DMD: variants seen among roughly 807,000 people sequenced by gnomAD.
DMD encodes mutant dystrophin.
Under a neutral mutation model 330.1 loss-of-function variants are expected in DMD, and 63 were observed. That is an observed-to-expected ratio of 0.19 (90% CI 0.16 to 0.24). DMD has a LOEUF of 0.24. Ranked by LOEUF, DMD falls within the 10% of genes least tolerant of loss-of-function variation. The probability of loss-of-function intolerance (pLI) is 1.00; values close to 1 mark genes in which losing one functional copy is unlikely to be tolerated. For synonymous variants in DMD, 1,223 were observed against 959.8 expected (o/e 1.27, Z -5.07); for missense variants, 3,344 against 2,684.1 (o/e 1.25, Z -5.43).
At chrX:32,237,227 A>C in intron 43 of DMD, among the ~76,000 whole-genome samples, 1 of 111,677 alleles carries the variant, frequency 9.0e-6, no homozygotes, top group Non-Finnish European at 1.9e-5. Context: ...GTTTATGTAC[A>C]GTGTGAGATA....
intron 44 of DMD, among the ~76,000 whole-genome samples, chrX:32,211,050 A>T (rs1488784037): frequency 2.7e-5 from 3 of 111,567 alleles, no homozygotes; most frequent in East Asian, 5.6e-4. Context: ...AGCTAAAGGG[A>T]GAGCTGAAGA....
chrX:32,808,394 CTCATT>C (rs974711390), intron 7 of DMD, among the ~76,000 whole-genome samples: 2 of 111,790 alleles, frequency 1.8e-5, no homozygotes, highest in Admixed American at 9.5e-5. Flanking sequence ...CTTGTTATAT[CTCATT>C]TAAGATTACT....
intron 47 of DMD, among the ~76,000 whole-genome samples, chrX:31,914,798 A>G (rs1486296681): frequency 8.9e-6 from 1 of 112,300 alleles, no homozygotes; most frequent in African/African-American, 3.2e-5. Flanking sequence ...ATACTTAGGA[A>G]AAATGAATAA....
chrX:32,263,604 C>T (rs331352), intron 43 of DMD, among the ~76,000 whole-genome samples: 50,810 of 110,792 alleles, frequency 0.46, 9,145 homozygotes, highest in African/African-American at 0.67. Flanking sequence ...ATAGCCGTGA[C>T]AATTCTGTCT....
chrX:31,371,191 G>C (rs777717626), intron 60 of DMD, among the ~76,000 whole-genome samples: 49 of 110,858 alleles, frequency 4.4e-4, no homozygotes, highest in African/African-American at 1.6e-3. Context: ...AAGGTATGTG[G>C]AGTCCGTGTA....
At chrX:32,135,638 A>G in intron 44 of DMD, among the ~76,000 whole-genome samples, 1 of 111,995 alleles carries the variant, frequency 8.9e-6, no homozygotes, top group Non-Finnish European at 1.9e-5. Flanking sequence ...TGGGAGGATC[A>G]CCTGAGCCTG....
At chrX:31,415,874 G>A (rs1177084196) in intron 60 of DMD, among the ~76,000 whole-genome samples, 1 of 110,868 alleles carries the variant, frequency 9.0e-6, no homozygotes, top group African/African-American at 3.3e-5. Context: ...AGCTTTATAA[G>A]CTGCCCAGGG....
chrX:32,723,048 C>T (rs1247368011), intron 7 of DMD, among the ~76,000 whole-genome samples: 1 of 110,959 alleles, frequency 9.0e-6, no homozygotes, highest in Admixed American at 9.6e-5. Context: ...CCACAACCAC[C>T]GTTGATCATA....
intron 62 of DMD, among the ~76,000 whole-genome samples, chrX:31,275,319 G>C (rs781505068): frequency 9.0e-6 from 1 of 111,060 alleles, no homozygotes; most frequent in East Asian, 2.8e-4. Context: ...GCTGTGTTAC[G>C]ACATCAGTTT....
At chrX:32,954,387 GGTA>G (rs2091447026) in intron 2 of DMD, among the ~76,000 whole-genome samples, 1 of 111,798 alleles carries the variant, frequency 8.9e-6, no homozygotes, top group African/African-American at 3.3e-5. Context: ...TGCTGATGGT[GGTA>G]GTGGTGGTGG....
chrX:32,537,508 A>G (rs1438553872), intron 17 of DMD, among the ~76,000 whole-genome samples: 1 of 111,034 alleles, frequency 9.0e-6, no homozygotes, highest in Non-Finnish European at 1.9e-5. Flanking sequence ...AAAAATTTCA[A>G]GAAGGGACTA....
chrX:31,619,460 T>A (rs2078402352), intron 55 of DMD, among the ~76,000 whole-genome samples: 1 of 112,114 alleles, frequency 8.9e-6, no homozygotes, highest in Admixed American at 9.4e-5. Context: ...TAGATTTACA[T>A]CTTCAGTTTG....
At chrX:31,591,442 C>G (rs932572445) in intron 55 of DMD, among the ~76,000 whole-genome samples, 2 of 111,319 alleles carry the variant, frequency 1.8e-5, no homozygotes, top group Admixed American at 1.9e-4. Flanking sequence ...TTTCATGGAC[C>G]ATTGTTCTGG....
At chrX:32,275,034 T>G (rs1383562085) in intron 43 of DMD, among the ~76,000 whole-genome samples, 1 of 111,263 alleles carries the variant, frequency 9.0e-6, no homozygotes, top group East Asian at 2.8e-4. Flanking sequence ...TCACAATCAC[T>G]CTCTCAGTGG....
intron 67 of DMD, among the ~76,000 whole-genome samples, chrX:31,203,235 T>A (rs1209210432): frequency 1.1e-5 from 1 of 92,187 alleles, no homozygotes; most frequent in African/African-American, 4.3e-5. Flanking sequence ...TGAGCAGAGA[T>A]CTCACCACTG....
chrX:32,359,656 C>T (rs1026336981), intron 37 of DMD, among the ~76,000 whole-genome samples: 3 of 111,392 alleles, frequency 2.7e-5, no homozygotes, highest in Non-Finnish European at 3.8e-5. Flanking sequence ...TTTTCAATTT[C>T]TTATTGTAAT....
chrX:31,890,546 T>C (rs1035473009), intron 47 of DMD, among the ~76,000 whole-genome samples: 1 of 111,179 alleles, frequency 9.0e-6, no homozygotes, highest in Non-Finnish European at 1.9e-5. Flanking sequence ...AAGACCATAC[T>C]CATTATAAAA....
intron 2 of DMD, among the ~76,000 whole-genome samples, chrX:32,995,176 A>G (rs1569547794): frequency 1.8e-5 from 2 of 112,638 alleles, no homozygotes; most frequent in Non-Finnish European, 3.7e-5. Flanking sequence ...ACAATGCTTG[A>G]CACTTAATAA....
At chrX:32,238,774 G>A (rs761714690) in intron 43 of DMD, among the ~76,000 whole-genome samples, 19 of 111,961 alleles carry the variant, frequency 1.7e-4, no homozygotes, top group African/African-American at 5.5e-4. Context: ...AAGCCATTCT[G>A]ATTTCTGATC....
Sources: gnomAD v4.1 joint callset for allele counts (sites outside exome capture counted in the v4.1 genomes callset) on GRCh38, gnomAD v4.1.1 for gene constraint, MANE v1.5 for transcripts, NCBI Gene and HGNC (gene_info 2026-07-23, HGNC 2026-07-21) for gene names.